Variants in SLC25A21 observed in about 807,000 individuals in gnomAD.
SLC25A21 encodes solute carrier family 25 member 21.
A neutral mutation model predicts 43.8 loss-of-function variants in SLC25A21; 47 were observed. The ratio of observed to expected loss-of-function variants is 1.07; its 90% confidence interval spans 0.85 to 1.37. SLC25A21 has a LOEUF of 1.37. Ranked by LOEUF, SLC25A21 falls within the 40% of genes most tolerant of loss-of-function variation. The pLI, the probability that SLC25A21 is intolerant of heterozygous loss-of-function variation, is 0.00. For missense variants in SLC25A21, 352 were observed against 350.2 expected (o/e 1.00, Z -0.04); for synonymous variants, 131 against 121.3 (o/e 1.08, Z -0.52).
chr14:36,750,540 A>G (rs1346249264), intron 3 of SLC25A21, among the ~76,000 whole-genome samples: 2 of 152,196 alleles, frequency 1.3e-5, no homozygotes, highest in Admixed American at 6.5e-5. Flanking sequence ...ACATGAGCAG[A>G]TGACTTAATT....
intron 1 of SLC25A21, among the ~76,000 whole-genome samples, chr14:36,969,657 T>TA (rs200945940): frequency 0.11 from 15,663 of 145,010 alleles, 2,159 homozygotes; most frequent in African/African-American, 0.32. Flanking sequence ...CCTGGCTAAT[T>TA]AAAAAAAAAA....
intron 3 of SLC25A21, among the ~76,000 whole-genome samples, chr14:36,764,103 GGAAGGAAGGAAA>G (rs1886287615): frequency 8.7e-5 from 4 of 46,022 alleles, no homozygotes; most frequent in Non-Finnish European, 1.5e-4. Context: ...AAGGAAGGAA[GGAAGGAAGGAAA>G]GAAGGAAAGA....
intron 3 of SLC25A21, among the ~76,000 whole-genome samples, chr14:36,744,573 A>T (rs1594545547): frequency 6.6e-6 from 1 of 152,242 alleles, no homozygotes; most frequent in Non-Finnish European, 1.5e-5. Context: ...AAGACTTGAA[A>T]CTATAAAAAT....
At chr14:36,845,145 T>C (rs1024817076) in intron 2 of SLC25A21, among the ~76,000 whole-genome samples, 1 of 152,194 alleles carries the variant, frequency 6.6e-6, no homozygotes, top group African/African-American at 2.4e-5. Flanking sequence ...GGCTGCAAAG[T>C]AGCTTCTCCA....
chr14:37,163,402 T>C (rs1319589452), intron 1 of SLC25A21, among the ~76,000 whole-genome samples: 2 of 152,000 alleles, frequency 1.3e-5, no homozygotes, highest in Non-Finnish European at 2.9e-5. Flanking sequence ...GGACTACAGA[T>C]AATAATGAAA....
chr14:36,807,446 A>G (rs1888081999), intron 3 of SLC25A21, among the ~76,000 whole-genome samples: 2 of 152,138 alleles, frequency 1.3e-5, no homozygotes, highest in Non-Finnish European at 2.9e-5. Flanking sequence ...GAGGATGATG[A>G]TTGGTCAAAT....
intron 3 of SLC25A21, among the ~76,000 whole-genome samples, chr14:36,760,677 A>G (rs1029393078): frequency 2.6e-5 from 4 of 152,184 alleles, no homozygotes; most frequent in African/African-American, 9.7e-5. Context: ...TACTGCACAC[A>G]TATTGTAACT....
chr14:37,051,749 G>A (rs1460915718), intron 1 of SLC25A21, among the ~76,000 whole-genome samples: 1 of 152,208 alleles, frequency 6.6e-6, no homozygotes, highest in Non-Finnish European at 1.5e-5. Flanking sequence ...GGTAGTTGCT[G>A]TGGTCTTTGT....
chr14:36,989,163 C>G (rs1960209559), intron 1 of SLC25A21, among the ~76,000 whole-genome samples: 2 of 152,244 alleles, frequency 1.3e-5, no homozygotes, highest in South Asian at 4.1e-4. Context: ...CACTTGCTCT[C>G]CCCCAGGAAG....
intron 2 of SLC25A21, among the ~76,000 whole-genome samples, chr14:36,839,379 G>C (rs1889309650): frequency 6.6e-6 from 1 of 152,182 alleles, no homozygotes; most frequent in Non-Finnish European, 1.5e-5. Flanking sequence ...GAACATACCA[G>C]TTTCATTTAA....
At chr14:36,813,245 A>C (rs555797109) in intron 3 of SLC25A21, among the ~76,000 whole-genome samples, 1 of 152,228 alleles carries the variant, frequency 6.6e-6, no homozygotes, top group South Asian at 2.1e-4. Context: ...ACACGCACAC[A>C]TATGTTTACT....
intron 1 of SLC25A21, among the ~76,000 whole-genome samples, chr14:36,935,057 A>G (rs1279692032): frequency 6.6e-6 from 1 of 152,074 alleles, no homozygotes; most frequent in Non-Finnish European, 1.5e-5. Context: ...AATGGAGAAG[A>G]TAACTCAAAA....
rs1464373674 is a variant in SLC25A21 at position 37,030,261 on chromosome 14, GGAGGAA to G, written c.70+142014_70+142019del. Among the ~76,000 whole-genome samples the G allele has an allele frequency of 9.2e-5, 14 of 152,238 alleles. No individual in the cohort carries two copies. The East Asian group carries it at 2.7e-3, about 29-fold the overall frequency. On this transcript the variant is annotated intron_variant, in intron 1 of 9. Transcript: ENST00000331299. ...ATCATCTTTATGTTGAATAGACTGA[GGAGGAA>G]GAGGAAGAGGGGTTGGTCTTGCTGT...
chr14:36,907,008 G>C (rs1313620272), intron 1 of SLC25A21, among the ~76,000 whole-genome samples: 1 of 152,072 alleles, frequency 6.6e-6, no homozygotes, highest in African/African-American at 2.4e-5. Flanking sequence ...ATGGAGATTG[G>C]GGATCATTGG....
chr14:37,146,365 C>A (rs1231120756), intron 1 of SLC25A21, among the ~76,000 whole-genome samples: 1 of 152,030 alleles, frequency 6.6e-6, no homozygotes, highest in African/African-American at 2.4e-5. Context: ...CCCACATCAA[C>A]CCCCCTAAGT....
intron 1 of SLC25A21, among the ~76,000 whole-genome samples, chr14:37,065,759 G>C (rs1476494634): frequency 6.6e-6 from 1 of 152,084 alleles, no homozygotes; most frequent in Non-Finnish European, 1.5e-5. Flanking sequence ...TGAATCATTA[G>C]ACATATATGG....
chr14:36,774,332 T>C (rs1886739858), intron 3 of SLC25A21, among the ~76,000 whole-genome samples: 1 of 152,244 alleles, frequency 6.6e-6, no homozygotes, highest in Admixed American at 6.5e-5. Flanking sequence ...TTTGATTATA[T>C]TTTAAGTTTC....
intron 5 of SLC25A21, among the ~76,000 whole-genome samples, chr14:36,727,127 C>A (rs1254944222): frequency 6.6e-6 from 1 of 152,054 alleles, no homozygotes; most frequent in Non-Finnish European, 1.5e-5. Context: ...TCCAGCTTGC[C>A]CCTCACTTGC....
intron 1 of SLC25A21, among the ~76,000 whole-genome samples, chr14:36,981,540 A>G (rs889554912): frequency 6.6e-6 from 1 of 152,174 alleles, no homozygotes; most frequent in African/African-American, 2.4e-5. Flanking sequence ...CCTTTGTAGG[A>G]ACATGGATGA....
Sources: gnomAD v4.1 joint callset for allele counts (sites outside exome capture counted in the v4.1 genomes callset) on GRCh38, gnomAD v4.1.1 for gene constraint, MANE v1.5 for transcripts, NCBI Gene and HGNC (gene_info 2026-07-23, HGNC 2026-07-21) for gene names.